The following CREBBP variants were observed in gnomAD, a reference collection of about 807,000 sequenced individuals.
CREBBP encodes CREB binding lysine acetyltransferase, also known as CREB-binding protein.
In CREBBP, 19 loss-of-function variants were observed where a neutral mutation model predicts 265.0. That is an observed-to-expected ratio of 0.07 (90% CI 0.05 to 0.11). CREBBP has a LOEUF of 0.11. Among genes scored for constraint, CREBBP ranks in the 10% least tolerant of loss-of-function variants. The probability of loss-of-function intolerance (pLI) is 1.00; values close to 1 mark genes in which losing one functional copy is unlikely to be tolerated. For synonymous variants in CREBBP, 1,457 were observed against 1,223.7 expected, an observed-to-expected ratio of 1.19 and a Z score of -3.98; for missense variants, 2,525 against 3,219.0, an observed-to-expected ratio of 0.78 and a Z score of 5.22.
intron 16 of CREBBP, among the ~76,000 whole-genome samples, chr16:3,760,120 C>T (rs763082809): frequency 4.6e-5 from 7 of 152,246 alleles, no homozygotes; most frequent in Admixed American, 6.5e-5. Context: ...GAGACAAGGT[C>T]GCACTCTGTT....
intron 2 of CREBBP, among the ~76,000 whole-genome samples, chr16:3,846,045 C>T (rs1293377681): frequency 6.6e-6 from 1 of 152,006 alleles, no homozygotes; most frequent in African/African-American, 2.4e-5. Flanking sequence ...AAACTGAAAA[C>T]ATATACTTGG....
intron 1 of CREBBP, among the ~76,000 whole-genome samples, chr16:3,871,317 C>T (rs1174265796): frequency 6.6e-6 from 1 of 152,188 alleles, no homozygotes; most frequent in Non-Finnish European, 1.5e-5. Flanking sequence ...ACAGTCTACT[C>T]TGAGCAGGAG....
intron 11 of CREBBP, among the ~76,000 whole-genome samples, chr16:3,775,837 C>G (rs1223422920): frequency 6.6e-6 from 1 of 152,170 alleles, no homozygotes; most frequent in African/African-American, 2.4e-5. Context: ...ATCTTCCTAT[C>G]CAGGCTGAAG....
Position 3,810,633 on chromosome 16 carries a change from C to A in CREBBP, c.945G>T (p.Lys315Asn). 6.2e-7 allele frequency: 1 copy of A among 1,613,852 alleles called. No homozygotes were observed. Among genetic ancestry groups the A allele is most frequent in the Non-Finnish European group, 8.5e-7 (1 of 1,179,986 alleles). Reference protein sequence around the residue: ...NSLPTFPTDIKNTSVTNVPNM... With the variant: ...NSLPTFPTDINNTSVTNVPNM... ...TTGGCACGTTGGTGACTGAAGTATT[C>A]TTGATATCTGTAGGGAAGGTGGGCA... Residue 315 changes from lysine (K) to asparagine (N), a missense_variant, in exon 3 of 31, where the codon AAG becomes AAT. Coordinates refer to ENST00000262367, the MANE Select transcript of CREBBP (RefSeq NM_004380.3).
In CREBBP at chr16:3,851,284, G is replaced by A. The variant is rs139660488; in HGVS notation, c.86-275C>T. Among the ~76,000 whole-genome samples, 4,045 of 89,750 alleles carry A rather than the reference G, an allele frequency of 0.045. 101 individuals are homozygous for A. The highest frequency in any genetic ancestry group is 0.21 in the Middle Eastern group (23 of 108). The allele number at this position is 89,750 out of a possible 152,430, so 58.9% of individuals were successfully genotyped here. ...GCCTGGGCAACAAGACCGAAACACC[G>A]TCTCAAAAAAAAAAAAAAAATTAAA... On this transcript the variant is annotated intron_variant, in intron 1 of 30. Transcript: ENST00000262367.
chr16:3,844,324 G>A (rs573239288), intron 2 of CREBBP, among the ~76,000 whole-genome samples: 2 of 152,206 alleles, frequency 1.3e-5, no homozygotes, highest in East Asian at 1.9e-4. Flanking sequence ...ATTAACTTTT[G>A]ATTTTACAAT....
chr16:3,776,789 G>A (rs530080758), intron 11 of CREBBP, among the ~76,000 whole-genome samples: 2 of 152,130 alleles, frequency 1.3e-5, no homozygotes, highest in South Asian at 4.2e-4. Flanking sequence ...AAGGTGGGCA[G>A]ATCACAAGTT....
chr16:3,823,420 C>T (rs768252468), intron 2 of CREBBP, among the ~76,000 whole-genome samples: 6 of 152,134 alleles, frequency 3.9e-5, no homozygotes, highest in Non-Finnish European at 2.9e-5. Context: ...ACAACGTGGC[C>T]GCGTAACCTG....
rs766652133 is a variant in CREBBP, at chr16:3,726,427, GCCCACCTCAGTCT to G, written c.*1278_*1290del. The G allele has an allele frequency of 2.4e-5, 2 of 83,316 alleles. No homozygotes were observed. Among genetic ancestry groups the G allele is most frequent in the Admixed American group, 1.7e-4 (1 of 6,040 alleles). The allele number at this position is 83,316 out of a possible 1,614,324, so 5.2% of individuals were successfully genotyped here. A position where few individuals can be genotyped will look rare whatever the true frequency, so the allele number is the denominator to read the frequency against. On this transcript the variant is annotated 3_prime_UTR_variant, in exon 31 of 31. Transcript: ENST00000262367. ...CAACGCTGAGCCGCCCACCTCAGTCGCCCACCTCAGTCTCCGGGAAGAAAAGCCTCCGGGCGGC... is the reference window on the plus strand; with the variant it reads ...CAACGCTGAGCCGCCCACCTCAGTCGCCGGGAAGAAAAGCCTCCGGGCGGC...
At chr16:3,790,366 CTTTTTTTTTT>C (rs57582399) in intron 5 of CREBBP, among the ~76,000 whole-genome samples, 4 of 66,588 alleles carry the variant, frequency 6.0e-5, no homozygotes, top group African/African-American at 1.2e-4. Context: ...AGGAAACTGG[CTTTTTTTTTT>C]TTTTTTTTTT....
At chr16:3,771,979 T>C (rs918769684) in intron 13 of CREBBP, among the ~76,000 whole-genome samples, 1 of 151,884 alleles carries the variant, frequency 6.6e-6, no homozygotes, top group Non-Finnish European at 1.5e-5. Context: ...CCTAGCTAAT[T>C]AATTTAAAAT....
intron 11 of CREBBP, among the ~76,000 whole-genome samples, chr16:3,774,984 C>A (rs376611523): frequency 6.6e-6 from 1 of 152,050 alleles, no homozygotes; most frequent in Non-Finnish European, 1.5e-5. Flanking sequence ...AGACATTAAA[C>A]GAGGCTGTGG....
chr16:3,871,475 C>T (rs568123245), intron 1 of CREBBP, among the ~76,000 whole-genome samples: 1 of 152,320 alleles, frequency 6.6e-6, no homozygotes, highest in South Asian at 2.1e-4. Flanking sequence ...CTGGGTCAAA[C>T]TCGTAGAGTC....
At chr16:3,788,700 CAGGACTTTTGGGAGGTCAAGGTGGGA>C (rs2053442488) in intron 5 of CREBBP, among the ~76,000 whole-genome samples, 1 of 152,176 alleles carries the variant, frequency 6.6e-6, no homozygotes, top group South Asian at 2.1e-4. Context: ...CCTCTAATCC[CAGGACTTTTGGGAGGTCAAGGTGGGA>C]AGATCACTTG....
chr16:3,765,087 C>T (rs763361809), intron 16 of CREBBP, among the ~76,000 whole-genome samples: 42 of 152,132 alleles, frequency 2.8e-4, no homozygotes, highest in Non-Finnish European at 5.6e-4. Flanking sequence ...CATTCTCCTG[C>T]CTCAGCCTCC....
At chr16:3,861,698 T>C (rs953259159) in intron 1 of CREBBP, among the ~76,000 whole-genome samples, 18 of 150,542 alleles carry the variant, frequency 1.2e-4, no homozygotes, top group African/African-American at 3.1e-4. Flanking sequence ...TTATTAATAT[T>C]TATGCCATCG....
rs2054764346 is a variant in CREBBP at position 3,849,442 on chromosome 16, T to TGTGTGTGTGTGTG, written c.798+842_798+854dup. On this transcript the variant is annotated intron_variant, in intron 2 of 30. Coordinates refer to ENST00000262367, the MANE Select transcript of CREBBP (RefSeq NM_004380.3). ...GTGTGTGTGTGTGTGTGTGTGTGTGTGTGTGTGTGTGTGTGTGTGTGTGTG... is the reference window on the plus strand; with the variant it reads ...GTGTGTGTGTGTGTGTGTGTGTGTGTGTGTGTGTGTGTGGTGTGTGTGTGTGTGTGTGTGTGTG... Among the ~76,000 whole-genome samples the TGTGTGTGTGTGTG allele has an allele frequency of 2.0e-3, 37 of 18,708 alleles. 3 individuals are homozygous for TGTGTGTGTGTGTG. The highest frequency in any genetic ancestry group is 6.2e-3 in the Non-Finnish European group (26 of 4,168). 12.3% of individuals were successfully genotyped at this position (18,708 alleles called of 152,430 possible).
chr16:3,751,400 G>A (rs1434069403), intron 20 of CREBBP, among the ~76,000 whole-genome samples: 2 of 152,150 alleles, frequency 1.3e-5, no homozygotes, highest in Non-Finnish European at 2.9e-5. Flanking sequence ...GACTAGCCTG[G>A]GCAACATGGC....
chr16:3,875,801 G>T (rs2055388069), intron 1 of CREBBP, among the ~76,000 whole-genome samples: 1 of 152,128 alleles, frequency 6.6e-6, no homozygotes, highest in Non-Finnish European at 1.5e-5. Context: ...TTCCTCACAG[G>T]ACGCTGTAAG....
Sources: allele counts gnomAD v4.1 joint callset (sites outside exome capture counted in the v4.1 genomes callset), GRCh38; gene constraint gnomAD v4.1.1; transcripts MANE v1.5; gene names NCBI Gene and HGNC (gene_info 2026-07-23, HGNC 2026-07-21).